EYA4: variants seen among roughly 807,000 people sequenced by gnomAD.
EYA4 encodes the protein protein phosphatase EYA4.
In EYA4, 31 loss-of-function variants were observed where a neutral mutation model predicts 87.9. The observed-to-expected ratio is 0.35, with a 90% confidence interval of 0.27 to 0.48. EYA4 has a LOEUF of 0.48. Among genes scored for constraint, EYA4 ranks in the 20% least tolerant of loss-of-function variants. The probability of loss-of-function intolerance (pLI) is 0.99; values close to 1 mark genes in which losing one functional copy is unlikely to be tolerated. For missense variants in EYA4, 678 were observed against 761.4 expected (o/e 0.89, Z 1.29); for synonymous variants, 263 against 270.6 (o/e 0.97, Z 0.28).
chr6:133,356,016 G>T (rs1323473346), intron 2 of EYA4, among the ~76,000 whole-genome samples: 1 of 149,722 alleles, frequency 6.7e-6, no homozygotes, highest in Non-Finnish European at 1.5e-5. Context: ...CTGTCTTGGG[G>T]GTTAGGGGTG....
rs140220635 is a variant in EYA4 at position 133,243,510 on chromosome 6, A to G, written c.-66+1761A>G. On this transcript the variant is annotated intron_variant, in intron 1 of 19. Coordinates refer to ENST00000355286, the MANE Select transcript of EYA4 (RefSeq NM_004100.5). ...CCCCATCAGCAGCTTCTGAAGTTTC[A>G]CTTACACGTAGGTGACTGACAGGAT... is the stretch of plus-strand genomic sequence containing the variant. Among the ~76,000 whole-genome samples, 121 of 151,646 alleles carry G rather than the reference A, an allele frequency of 8.0e-4. No individual in the cohort carries two copies. The East Asian group carries it at 0.019, about 24-fold the overall frequency.
intron 2 of EYA4, among the ~76,000 whole-genome samples, chr6:133,330,594 T>C (rs1024092960): frequency 2.4e-4 from 35 of 148,828 alleles, no homozygotes; most frequent in African/African-American, 8.1e-4. Flanking sequence ...CACACACACA[T>C]ACTTTTTTGG....
intron 3 of EYA4, among the ~76,000 whole-genome samples, chr6:133,399,039 C>T (rs1477170154): frequency 2.0e-5 from 3 of 152,132 alleles, no homozygotes; most frequent in Non-Finnish European, 2.9e-5. Context: ...CCCATGTCTG[C>T]GGACTTTTCC....
rs200042576 is a variant in EYA4 at position 133,448,115 on chromosome 6, A to C, written c.213A>C (p.Glu71Asp). The change falls in exon 5 of 20, where the codon GAA (glutamate) becomes GAC (aspartate). Residue 71 changes from glutamate to aspartate, a missense_variant. Coordinates refer to ENST00000355286, the MANE Select transcript of EYA4 (RefSeq NM_004100.5). ...TSVTTNGTGG[E>D]NMTVLNTADW... ...TTATACTGTTCCTGTTCTCAGGGGA[A>C]AACATGACTGTTTTAAACACAGCAG... is the stretch of plus-strand genomic sequence containing the variant. 9.9e-6 allele frequency: 16 copies of C among 1,612,934 alleles called. No homozygotes were observed. The East Asian group carries it at 3.6e-4, about 36-fold the overall frequency.
At chr6:133,510,371 C>G (rs1024244917) in intron 14 of EYA4, 6 of 232,508 alleles carry the variant, frequency 2.6e-5, no homozygotes, top group Middle Eastern at 2.7e-3. Flanking sequence ...GACACCATTT[C>G]AATAGTGATT....
At chr6:133,387,219 TA>T (rs1385655801) in intron 3 of EYA4, among the ~76,000 whole-genome samples, 40 of 152,348 alleles carry the variant, frequency 2.6e-4, no homozygotes, top group African/African-American at 8.4e-4. Context: ...AAATTATACA[TA>T]GTTATTTGCT....
intron 3 of EYA4, among the ~76,000 whole-genome samples, chr6:133,438,556 T>G (rs201778547): frequency 2.0e-5 from 3 of 151,752 alleles, no homozygotes; most frequent in East Asian, 1.9e-4. Flanking sequence ...ATCTTTAAGT[T>G]TACATTAATT....
At chr6:133,256,323 ATAT>A in intron 1 of EYA4, among the ~76,000 whole-genome samples, 1 of 151,952 alleles carries the variant, frequency 6.6e-6, no homozygotes, top group Non-Finnish European at 1.5e-5. Context: ...TAAATCAGTA[ATAT>A]TATATTCACT....
At chr6:133,252,887 G>A (rs540886698) in intron 1 of EYA4, among the ~76,000 whole-genome samples, 23 of 151,740 alleles carry the variant, frequency 1.5e-4, no homozygotes, top group African/African-American at 4.6e-4. Flanking sequence ...CTAACCTGGA[G>A]ATTTCACATC....
At chr6:133,520,129 G>C (rs1388064717) in intron 17 of EYA4, among the ~76,000 whole-genome samples, 1 of 151,982 alleles carries the variant, frequency 6.6e-6, no homozygotes, top group Non-Finnish European at 1.5e-5. Context: ...TGGAAGTTCT[G>C]GCCAGGGCAA....
intron 6 of EYA4, among the ~76,000 whole-genome samples, chr6:133,460,655 TGAAGTTTG>T (rs1285691464): frequency 1.3e-5 from 2 of 152,072 alleles, no homozygotes; most frequent in Non-Finnish European, 2.9e-5. Context: ...CATTAGAAAA[TGAAGTTTG>T]GAACATCACA....
chr6:133,448,084 G>T (rs1793032739), intron 4 of EYA4, 27 bp from the exon 5 acceptor site: 1 of 1,581,796 alleles, frequency 6.3e-7, no homozygotes, highest in Admixed American at 1.7e-5. Context: ...TTCAGACAAT[G>T]AACTTTTATA....
chr6:133,487,251 A>C (rs923778406), intron 13 of EYA4, among the ~76,000 whole-genome samples: 1 of 152,230 alleles, frequency 6.6e-6, no homozygotes, highest in African/African-American at 2.4e-5. Context: ...GAGTTCTGGC[A>C]AATCATCACC....
At chr6:133,494,971 T>G (rs114037028) in intron 13 of EYA4, among the ~76,000 whole-genome samples, 3,813 of 152,246 alleles carry the variant, frequency 0.025, 170 homozygotes, top group African/African-American at 0.085. Context: ...TATACTTGTA[T>G]CAAAATATCT....
intron 2 of EYA4, chr6:133,325,217 T>G (rs1781409418): frequency 6.6e-6 from 1 of 152,238 alleles, no homozygotes; most frequent in African/African-American, 2.4e-5. Flanking sequence ...TGGTGTAATC[T>G]TCTAAAGCCA....
intron 14 of EYA4, among the ~76,000 whole-genome samples, chr6:133,509,671 A>G (rs954541786): frequency 6.6e-6 from 1 of 152,210 alleles, no homozygotes; most frequent in African/African-American, 2.4e-5. Flanking sequence ...GAAGTTTGAG[A>G]TGGCAAAGGT....
intron 3 of EYA4, among the ~76,000 whole-genome samples, chr6:133,398,917 G>A (rs917415633): frequency 2.0e-5 from 3 of 152,202 alleles, no homozygotes; most frequent in African/African-American, 4.8e-5. Context: ...TTGCAGGAGG[G>A]TTGGATTTGT....
chr6:133,520,806 A>T (rs10872407), intron 17 of EYA4, among the ~76,000 whole-genome samples: 2 of 143,714 alleles, frequency 1.4e-5, no homozygotes, highest in African/African-American at 5.3e-5. Flanking sequence ...CAGAAATAAC[A>T]CCGCCTATCT....
At chr6:133,293,997 A>AT in intron 2 of EYA4, among the ~76,000 whole-genome samples, 1 of 99,850 alleles carries the variant, frequency 1.0e-5, no homozygotes, top group African/African-American at 4.2e-5. Flanking sequence ...TATATATATA[A>AT]AATTCCTGTG....
Sources: allele counts gnomAD v4.1 joint callset (sites outside exome capture counted in the v4.1 genomes callset), GRCh38; gene constraint gnomAD v4.1.1; transcripts MANE v1.5; gene names NCBI Gene and HGNC (gene_info 2026-07-23, HGNC 2026-07-21).